SRPK1: variants seen among roughly 807,000 people sequenced by gnomAD.
SRPK1 encodes the protein SRSF protein kinase 1.
In SRPK1, 52 loss-of-function variants were observed where a neutral mutation model predicts 89.5. That is an observed-to-expected ratio of 0.58 (90% CI 0.46 to 0.73). SRPK1 has a LOEUF of 0.73. Ranked by LOEUF, SRPK1 falls within the 30% of genes least tolerant of loss-of-function variation. SRPK1 has a pLI of 0.00. For synonymous variants in SRPK1, 255 were observed against 270.2 expected (o/e 0.94, Z 0.55); for missense variants, 603 against 780.6 (o/e 0.77, Z 2.71).
At chr6:35,878,467 G>C (rs763714620) in intron 6 of SRPK1, among the ~76,000 whole-genome samples, 8 of 152,136 alleles carry the variant, frequency 5.3e-5, no homozygotes, top group Non-Finnish European at 1.0e-4. Context: ...AGAAACTCTG[G>C]AGTCTACTGA....
rs1354852752 is a variant in SRPK1 at position 35,869,114 on chromosome 6, C to T, written c.1412-4G>A. ...AAATTTCCAGCCGTGGATTTTCCTA[C>T]AGACAACAGGCATCATCAATAAGAC... On this transcript the variant is annotated splice_polypyrimidine_tract_variant and splice_region_variant and intron_variant, in intron 11 of 15. Transcript: ENST00000373825. 1.2e-6 allele frequency: 2 copies of T among 1,610,030 alleles called. No individual in the cohort carries two copies. Among genetic ancestry groups the T allele is most frequent in the Non-Finnish European group, 8.5e-7 (1 of 1,176,936 alleles).
At chr6:35,872,439 A>G in intron 8 of SRPK1, 124 bp downstream of exon 8, 1 of 890,262 alleles carries the variant, frequency 1.1e-6, no homozygotes, top group Non-Finnish European at 1.6e-6. Context: ...GGAAGCTGAT[A>G]ATGTTTCTTA....
rs768084196 is a variant in SRPK1 at position 35,886,827 on chromosome 6, G to C, written c.391-16C>G. 3 of 1,502,492 alleles carry C rather than the reference G, an allele frequency of 2.0e-6. No individual in the cohort carries two copies. The East Asian group carries it at 6.8e-5, about 34-fold the overall frequency. The allele number at this position is 1,502,492 out of a possible 1,614,324, so 93.1% of individuals were successfully genotyped here. On this transcript the variant is annotated splice_polypyrimidine_tract_variant and intron_variant, in intron 5 of 15. Transcript: ENST00000373825. ...AATTGCGAACCTGTAGTGGGGAAGA[G>C]ACAGTGTTTAGCACAAGGTAAAGCA...
intron 2 of SRPK1, among the ~76,000 whole-genome samples, chr6:35,896,612 T>C (rs1483105279): frequency 6.6e-6 from 1 of 152,200 alleles, no homozygotes; most frequent in Non-Finnish European, 1.5e-5. Flanking sequence ...GATGAAAACA[T>C]GTATCCACAC....
rs1278592933 is a variant in SRPK1 at position 35,909,145 on chromosome 6, T to C, written c.74+11323A>G. Among the ~76,000 whole-genome samples the C allele has an allele frequency of 4.6e-5, 7 of 152,160 alleles. No homozygotes were observed. In the East Asian group the frequency reaches 5.8e-4, roughly 13 times the overall value. On this transcript the variant is annotated intron_variant, in intron 2 of 15. Coordinates refer to ENST00000373825, the MANE Select transcript of SRPK1 (RefSeq NM_003137.5). ...GACCCCAGAAGGGTAGATCCACCAATAGCTTGCACCATGTACCTGGAAAAG... is the reference window on the plus strand; with the variant it reads ...GACCCCAGAAGGGTAGATCCACCAACAGCTTGCACCATGTACCTGGAAAAG...
In SRPK1 at chr6:35,838,423, A is replaced by G. The variant is rs1296979406; in HGVS notation, c.1697T>C (p.Ile566Thr). The G allele has an allele frequency of 6.3e-7, 1 of 1,582,278 alleles. No homozygotes were observed. Among genetic ancestry groups the G allele is most frequent in the African/African-American group, 1.4e-5 (1 of 72,954 alleles). ...GEEYTRDEDH[I>T]ALIIELLGKV... ...CCCCAGAAGTTCTATGATCAATGCA[A>G]TGTGATCTGTATATTTCAAACATTT... Residue 566 changes from isoleucine (I) to threonine (T), a missense_variant, in exon 15 of 16, where the codon ATT (isoleucine) becomes ACT (threonine). Transcript: ENST00000373825.
At chr6:35,888,976 T>C (rs1770464356) in intron 3 of SRPK1, 53 bp from the exon 4 acceptor site, 2 of 1,234,820 alleles carry the variant, frequency 1.6e-6, no homozygotes, top group South Asian at 1.2e-5. Context: ...GAAACAATGG[T>C]AAGAAAAGGC....
chr6:35,874,180 A>T, intron 7 of SRPK1, 53 bp downstream of exon 7: 2 of 1,414,942 alleles, frequency 1.4e-6, no homozygotes, highest in South Asian at 2.5e-5. Flanking sequence ...CAAGAATATT[A>T]AAAAATCACT....
At chr6:35,914,399 T>C (rs1388917151) in intron 2 of SRPK1, among the ~76,000 whole-genome samples, 1 of 152,178 alleles carries the variant, frequency 6.6e-6, no homozygotes, top group Non-Finnish European at 1.5e-5. Flanking sequence ...TTTGGCAAGA[T>C]TTTTCAAGTA....
chr6:35,870,559 AGTT>A (rs1435130717), intron 9 of SRPK1, 65 bp from the exon 10 acceptor site: 8 of 1,402,800 alleles, frequency 5.7e-6, no homozygotes, highest in African/African-American at 4.4e-5. Flanking sequence ...AGTTGGAGAT[AGTT>A]GTTAACTTTA....
At chr6:35,913,246 GGAA>G (rs1771011823) in intron 2 of SRPK1, among the ~76,000 whole-genome samples, 2 of 152,154 alleles carry the variant, frequency 1.3e-5, no homozygotes, top group Non-Finnish European at 2.9e-5. Context: ...AAACTACAGA[GGAA>G]GAAGAGAACA....
chr6:35,920,897 A>T, intron 1 of SRPK1, 147 bp downstream of exon 1: 2 of 806,686 alleles, frequency 2.5e-6, no homozygotes, highest in Non-Finnish European at 3.6e-6. Flanking sequence ...GCCCAGAGGC[A>T]GGGGGTGTGG....
At chr6:35,880,549 C>T (rs890205728) in intron 6 of SRPK1, among the ~76,000 whole-genome samples, 1 of 150,826 alleles carries the variant, frequency 6.6e-6, no homozygotes, top group African/African-American at 2.4e-5. Flanking sequence ...ATGGTGAAAT[C>T]CCATCTCTAC....
At chr6:35,916,932 T>C (rs1239828219) in intron 2 of SRPK1, among the ~76,000 whole-genome samples, 1 of 152,006 alleles carries the variant, frequency 6.6e-6, no homozygotes, top group East Asian at 1.9e-4. Flanking sequence ...TGGTGGCAGG[T>C]GCTTGTAATC....
At chr6:35,853,653 A>C (rs1769603749) in intron 13 of SRPK1, among the ~76,000 whole-genome samples, 1 of 152,218 alleles carries the variant, frequency 6.6e-6, no homozygotes, top group Non-Finnish European at 1.5e-5. Flanking sequence ...CACAAGTGCC[A>C]GTGGGAGTCC....
At position 35,869,011 on chromosome 6, in the gene SRPK1, A is replaced by C. The variant is rs1214495430; in HGVS notation, c.1511T>G (p.Val504Gly). The C allele has an allele frequency of 6.2e-7, 1 of 1,613,254 alleles. No individual in the cohort carries two copies. Among genetic ancestry groups the C allele is most frequent in the East Asian group, 2.2e-5 (1 of 44,848 alleles). The change falls in exon 12 of 16, where the codon GTG becomes GGG. Residue 504 changes from valine to glycine, a missense_variant and splice_region_variant. By Grantham distance (109) the Val-to-Gly change is moderately radical (BLOSUM62 -3). Coordinates refer to ENST00000373825, the MANE Select transcript of SRPK1 (RefSeq NM_003137.5). ...ACCATTAAGGCAAGTTTAACTTACC[A>C]CCCAACAAGCATTTCCAAGGTCAGC... ...KIADLGNACW[V>G]HKHFTEDIQT...
intron 13 of SRPK1, among the ~76,000 whole-genome samples, chr6:35,845,547 T>A (rs1227697435): frequency 6.6e-6 from 1 of 152,168 alleles, no homozygotes; most frequent in Non-Finnish European, 1.5e-5. Context: ...GTTAAAACAA[T>A]GACAATTTAA....
intron 2 of SRPK1, among the ~76,000 whole-genome samples, chr6:35,902,425 A>T (rs1450617586): frequency 6.6e-6 from 1 of 151,990 alleles, no homozygotes; most frequent in Non-Finnish European, 1.5e-5. Context: ...TAAAAAATAA[A>T]AAATAATAAT....
intron 6 of SRPK1, among the ~76,000 whole-genome samples, chr6:35,875,359 G>GT (rs1770133724): frequency 6.6e-6 from 1 of 151,838 alleles, no homozygotes; most frequent in Non-Finnish European, 1.5e-5. Context: ...GGCACTACAG[G>GT]TGTGTACCAC....
Sources: allele counts gnomAD v4.1 joint callset (sites outside exome capture counted in the v4.1 genomes callset), GRCh38; gene constraint gnomAD v4.1.1; transcripts MANE v1.5; gene names NCBI Gene and HGNC (gene_info 2026-07-23, HGNC 2026-07-21).